RBM6: variants seen among roughly 807,000 people sequenced by gnomAD.
RBM6 encodes RNA binding motif protein 6.
In RBM6, 23 loss-of-function variants were observed where a neutral mutation model predicts 140.4. The observed-to-expected ratio is 0.16, with a 90% CI of 0.12 to 0.23. The LOEUF (loss-of-function observed/expected upper bound fraction) is 0.23. RBM6 is among the 10% of genes least tolerant of loss of function. RBM6 has a pLI of 1.00. For missense variants in RBM6, 1,139 were observed against 1,386.7 expected (o/e 0.82, Z 2.84); for synonymous variants, 439 against 475.6 (o/e 0.92, Z 1.00).
chr3:50,029,720 G>A (rs1483008701), intron 6 of RBM6, among the ~76,000 whole-genome samples: 6 of 151,996 alleles, frequency 3.9e-5, no homozygotes, highest in African/African-American at 1.2e-4. Context: ...GCGACAGAGC[G>A]AGACTCTGTC....
intron 1 of RBM6, among the ~76,000 whole-genome samples, chr3:49,956,328 CTTTTTTTTTTT>C (rs34467093): frequency 0.017 from 1,211 of 72,204 alleles, 26 homozygotes; most frequent in African/African-American, 0.068. Flanking sequence ...CCCTCCCCCG[CTTTTTTTTTTT>C]TTTTTTTTTT....
chr3:49,956,369 C>T (rs1332645315), intron 1 of RBM6, among the ~76,000 whole-genome samples: 2 of 106,138 alleles, frequency 1.9e-5, no homozygotes, highest in African/African-American at 3.7e-5. Flanking sequence ...GAGTTTCACT[C>T]TTGTTGCCCA....
intron 5 of RBM6, among the ~76,000 whole-genome samples, chr3:49,979,268 G>A (rs1478169407): frequency 1.3e-5 from 2 of 152,148 alleles, no homozygotes; most frequent in Non-Finnish European, 2.9e-5. Context: ...CAGGGGCTAA[G>A]CGGGAATGGG....
intron 6 of RBM6, among the ~76,000 whole-genome samples, chr3:50,014,233 G>A: frequency 6.6e-6 from 1 of 152,156 alleles, no homozygotes; most frequent in Non-Finnish European, 1.5e-5. Flanking sequence ...GAGAGTGCAG[G>A]CACGGCACTC....
chr3:49,951,293 A>AAG (rs2083717907), intron 1 of RBM6, among the ~76,000 whole-genome samples: 1 of 144,790 alleles, frequency 6.9e-6, no homozygotes, highest in Non-Finnish European at 1.5e-5. Flanking sequence ...GCTCACTGCA[A>AAG]CCTCTGCCTC....
At chr3:49,943,654 A>C (rs1180468478) in intron 1 of RBM6, among the ~76,000 whole-genome samples, 1 of 151,802 alleles carries the variant, frequency 6.6e-6, no homozygotes, top group Non-Finnish European at 1.5e-5. Flanking sequence ...GGGTCTCCCT[A>C]TGTTGCCTAT....
At chr3:50,028,985 C>T (rs1040384701) in intron 6 of RBM6, among the ~76,000 whole-genome samples, 1 of 152,154 alleles carries the variant, frequency 6.6e-6, no homozygotes, top group African/African-American at 2.4e-5. Context: ...GATACTATTT[C>T]TCCTTTGATG....
chr3:49,958,041 A>C (rs2084082082), intron 1 of RBM6, among the ~76,000 whole-genome samples: 1 of 152,148 alleles, frequency 6.6e-6, no homozygotes, highest in Admixed American at 6.6e-5. Context: ...CATGTTGGCC[A>C]GGCTGGTCTT....
intron 15 of RBM6, 80 bp from the exon 16 acceptor site, chr3:50,064,951 C>T (rs575064726): frequency 2.3e-4 from 278 of 1,191,654 alleles, no homozygotes; most frequent in Admixed American, 1.5e-3. Flanking sequence ...GGATTATAGG[C>T]GTGAGCCACC....
At chr3:50,004,612 C>T (rs2086494435) in intron 6 of RBM6, among the ~76,000 whole-genome samples, 1 of 151,660 alleles carries the variant, frequency 6.6e-6, no homozygotes, top group African/African-American at 2.4e-5. Context: ...TATGCCTGGC[C>T]TATTTTTAAA....
rs143025837 is a variant in RBM6 at position 50,023,391 on chromosome 3, C to T, written c.1557+23878C>T. Among the ~76,000 whole-genome samples the T allele has an allele frequency of 7.3e-3, 1,106 of 152,142 alleles. 15 individuals carry two copies. Among genetic ancestry groups the T allele is most frequent in the African/African-American group, 0.025 (1,044 of 41,530 alleles). On this transcript the variant is annotated intron_variant, in intron 6 of 20. Coordinates refer to ENST00000266022, the MANE Select transcript of RBM6 (RefSeq NM_005777.3). ...CGCGATCTCGGCTGACTGCAACCTC[C>T]GCCTCCTGGGTTCAAGCTATTCTCC...
Position 49,965,741 on chromosome 3 carries a change from A to AT in RBM6, c.45-1728dup, listed in dbSNP as rs1438155766. 2.0e-5 allele frequency among the ~76,000 whole-genome samples: 3 copies of AT among 152,200 alleles called. No homozygotes were observed. In the East Asian group the frequency reaches 5.8e-4, roughly 29 times the overall value. On this transcript the variant is annotated intron_variant, in intron 2 of 20. Transcript: ENST00000266022. ...AACCACATAGACATAACTAGTGTTA[A>AT]TGGGGGTCAGTGGAAGTCATCATGT...
At chr3:50,056,699 A>G (rs1362956651) in intron 8 of RBM6, among the ~76,000 whole-genome samples, 1 of 152,224 alleles carries the variant, frequency 6.6e-6, no homozygotes, top group African/African-American at 2.4e-5. Context: ...TATTGCTCTC[A>G]TATAATACCT....
At position 49,968,303 on chromosome 3, in the gene RBM6, T is replaced by G; in HGVS notation, c.878T>G (p.Leu293Trp). 1 of 1,614,178 alleles carries G rather than the reference T, an allele frequency of 6.2e-7. No homozygotes were observed. The highest frequency in any genetic ancestry group is 8.5e-7 in the Non-Finnish European group (1 of 1,180,044). Reference sequence around the variant, plus strand: ...ATGCCCCCTGTGGATCCAAATATTTTGGATTACATTCAGCCCTCTACACAA... The same window carrying G: ...ATGCCCCCTGTGGATCCAAATATTTGGGATTACATTCAGCCCTCTACACAA... ...REMPPVDPNI[L>W]DYIQPSTQDR... The change falls in exon 3 of 21, where the codon TTG (leucine) becomes TGG (tryptophan). Residue 293 changes from leucine to tryptophan, a missense_variant. Around this residue, in one of 9 missense-constraint regions of RBM6, gnomAD observed 566 missense variants for 612.7 expected, o/e 0.92. Transcript: ENST00000266022.
chr3:49,953,176 C>G (rs1034313549), intron 1 of RBM6, among the ~76,000 whole-genome samples: 1 of 151,590 alleles, frequency 6.6e-6, no homozygotes, highest in African/African-American at 2.4e-5. Context: ...CCACTTTAGC[C>G]TCCTAGGTAA....
At chr3:49,949,227 A>T (rs1195356171) in intron 1 of RBM6, among the ~76,000 whole-genome samples, 1 of 151,906 alleles carries the variant, frequency 6.6e-6, no homozygotes, top group Non-Finnish European at 1.5e-5. Context: ...GCTTTGCTGA[A>T]TCATAAAAAA....
intron 5 of RBM6, among the ~76,000 whole-genome samples, chr3:49,986,437 T>C (rs528396522): frequency 1.3e-5 from 2 of 151,324 alleles, no homozygotes; most frequent in Middle Eastern, 3.4e-3. Context: ...TACTAAAAAA[T>C]ACAAAAAATT....
At chr3:49,981,633 C>T (rs2085308847) in intron 5 of RBM6, 1 of 152,204 alleles carries the variant, frequency 6.6e-6, no homozygotes, top group Non-Finnish European at 1.5e-5. Flanking sequence ...AGTTCTCCTG[C>T]TCTGCATAGC....
chr3:50,041,493 CAT>C (rs1329396038), intron 6 of RBM6, among the ~76,000 whole-genome samples: 1 of 152,178 alleles, frequency 6.6e-6, no homozygotes, highest in Non-Finnish European at 1.5e-5. Context: ...TGAACTATAA[CAT>C]ATCCTTGTAC....
Sources: allele counts gnomAD v4.1 joint callset (sites outside exome capture counted in the v4.1 genomes callset), GRCh38; gene constraint gnomAD v4.1.1; regional missense constraint gnomAD v4.1.1; transcripts MANE v1.5; gene names NCBI Gene and HGNC (gene_info 2026-07-23, HGNC 2026-07-21).